The following PKNOX2 variants were observed in gnomAD, a reference collection of about 807,000 sequenced individuals.
The protein encoded by PKNOX2 is PBX/knotted 1 homeobox 2.
In PKNOX2, 14 loss-of-function variants were observed where a neutral mutation model predicts 53.1. That is an observed-to-expected ratio of 0.26 (90% confidence interval 0.17 to 0.41). The LOEUF (loss-of-function observed/expected upper bound fraction) is 0.41, where lower values mean the gene tolerates loss of function less well. Ranked by LOEUF, PKNOX2 falls within the 10% of genes least tolerant of loss-of-function variation. The probability of loss-of-function intolerance (pLI) is 1.00; values close to 1 mark genes in which losing one functional copy is unlikely to be tolerated. For synonymous variants in PKNOX2, 257 were observed against 242.8 expected, an observed-to-expected ratio of 1.06 and a Z score of -0.54; for missense variants, 496 against 602.8, an observed-to-expected ratio of 0.82 and a Z score of 1.85.
intron 2 of PKNOX2, among the ~76,000 whole-genome samples, chr11:125,256,804 A>G (rs550639929): frequency 6.6e-6 from 1 of 152,264 alleles, no homozygotes; most frequent in East Asian, 1.9e-4. Flanking sequence ...CAGATTTCTT[A>G]GTAATGATCT....
chr11:125,427,178 A>G (rs1165870039), intron 10 of PKNOX2, among the ~76,000 whole-genome samples: 3 of 152,226 alleles, frequency 2.0e-5, no homozygotes, highest in Non-Finnish European at 4.4e-5. Context: ...CAGAGCTCCC[A>G]GAGTCCTTGC....
At chr11:125,222,241 C>T (rs570885149) in intron 1 of PKNOX2, among the ~76,000 whole-genome samples, 1 of 152,170 alleles carries the variant, frequency 6.6e-6, no homozygotes, top group Non-Finnish European at 1.5e-5. Context: ...TGAGCCACCC[C>T]CCTTGCTCTC....
chr11:125,285,359 G>A (rs991910899), intron 2 of PKNOX2, among the ~76,000 whole-genome samples: 1 of 152,198 alleles, frequency 6.6e-6, no homozygotes, highest in Non-Finnish European at 1.5e-5. Context: ...ATATTGAAGG[G>A]TATTAGACAT....
chr11:125,320,737 G>A (rs1161035339), intron 2 of PKNOX2, among the ~76,000 whole-genome samples: 1 of 152,130 alleles, frequency 6.6e-6, no homozygotes, highest in Non-Finnish European at 1.5e-5. Context: ...GCTGTGTAAA[G>A]ATGCTCTGAG....
chr11:125,290,885 C>T (rs1268115515), intron 2 of PKNOX2, among the ~76,000 whole-genome samples: 2 of 152,116 alleles, frequency 1.3e-5, no homozygotes, highest in Non-Finnish European at 2.9e-5. Context: ...AGCAGAGTGT[C>T]ATATGGGGGA....
At chr11:125,202,354 G>A (rs1038039174) in intron 1 of PKNOX2, among the ~76,000 whole-genome samples, 1 of 152,184 alleles carries the variant, frequency 6.6e-6, no homozygotes, top group Non-Finnish European at 1.5e-5. Context: ...TGTCCTGGGG[G>A]AATGTTAATG....
At position 125,236,228 on chromosome 11, in the gene PKNOX2, C is replaced by T. The variant is rs77928885; in HGVS notation, c.-130+1113C>T. On this transcript the variant is annotated intron_variant, in intron 2 of 12. Coordinates refer to ENST00000298282, the MANE Select transcript of PKNOX2 (RefSeq NM_001382323.2). ...GCCGGCCCTCCCGCCTAATGGCCTG[C>T]GATTCAGCGCCGGTCGCCTCTGTGA... Among the ~76,000 whole-genome samples, 1,911 of 152,270 alleles carry T rather than the reference C, an allele frequency of 0.013. 161 individuals carry two copies. In the East Asian group the frequency reaches 0.21, roughly 17 times the overall value.
chr11:125,359,297 G>A (rs762907559), intron 4 of PKNOX2, among the ~76,000 whole-genome samples: 9 of 152,122 alleles, frequency 5.9e-5, no homozygotes, highest in East Asian at 1.9e-4. Flanking sequence ...GACTGTTAGC[G>A]AAGGGTCCCT....
At chr11:125,203,461 C>T (rs758028733) in intron 1 of PKNOX2, among the ~76,000 whole-genome samples, 2 of 152,192 alleles carry the variant, frequency 1.3e-5, no homozygotes, top group Non-Finnish European at 2.9e-5. Context: ...CAAGTGGCTC[C>T]GCTTCCTTCC....
intron 2 of PKNOX2, among the ~76,000 whole-genome samples, chr11:125,300,661 CAGAG>C (rs1231880294): frequency 6.6e-6 from 1 of 152,004 alleles, no homozygotes; most frequent in African/African-American, 2.4e-5. Context: ...GACAGAGAGA[CAGAG>C]AGAGAGTCGG....
chr11:125,208,801 C>CA (rs1486484406), intron 1 of PKNOX2, among the ~76,000 whole-genome samples: 1 of 151,924 alleles, frequency 6.6e-6, no homozygotes, highest in Non-Finnish European at 1.5e-5. Flanking sequence ...AGTAAAGACT[C>CA]AAAGATGAGC....
rs1042389808 is a variant in PKNOX2, at chr11:125,417,766, G to C, written c.936+5901G>C. On this transcript the variant is annotated intron_variant, in intron 10 of 12. Transcript: ENST00000298282. Reference sequence around the variant, plus strand: ...TAGAGATTTTACATGTCCAGTCCCGGTCTTCAGACCTCACAGCGATGCTGC... The same window carrying C: ...TAGAGATTTTACATGTCCAGTCCCGCTCTTCAGACCTCACAGCGATGCTGC... 9.9e-5 allele frequency among the ~76,000 whole-genome samples: 15 copies of C among 151,980 alleles called. 1 individual carries two copies. Among genetic ancestry groups the C allele is most frequent in the African/African-American group, 3.6e-4 (15 of 41,248 alleles).
Position 125,374,050 on chromosome 11 carries a change from C to T in PKNOX2, c.227+6065C>T, listed in dbSNP as rs73027808. 1.9e-3 allele frequency among the ~76,000 whole-genome samples: 285 copies of T among 152,174 alleles called. 2 individuals are homozygous for T. The highest frequency in any genetic ancestry group is 4.4e-3 in the Admixed American group (68 of 15,288). On this transcript the variant is annotated intron_variant, in intron 5 of 12. Coordinates refer to ENST00000298282, the MANE Select transcript of PKNOX2 (RefSeq NM_001382323.2). ...CTGTGTGACTGTCCTCTGTAGCAGCCGCCTGGTCAGGACCCTGGGAACTGG... is the reference window on the plus strand; with the variant it reads ...CTGTGTGACTGTCCTCTGTAGCAGCTGCCTGGTCAGGACCCTGGGAACTGG...
intron 1 of PKNOX2, among the ~76,000 whole-genome samples, chr11:125,182,434 A>G (rs688027): frequency 0.011 from 1,660 of 152,312 alleles, 7 homozygotes; most frequent in Non-Finnish European, 0.017. Flanking sequence ...CCAGGGTTCA[A>G]ATCTCCCATT....
intron 7 of PKNOX2, among the ~76,000 whole-genome samples, chr11:125,403,876 C>T (rs1302785109): frequency 2.0e-5 from 3 of 152,316 alleles, no homozygotes; most frequent in Non-Finnish European, 2.9e-5. Flanking sequence ...CTAGGCCCAG[C>T]TGCCAGATGC....
At chr11:125,397,777 T>G (rs1591556273) in intron 6 of PKNOX2, 97 bp from the exon 7 acceptor site, 53 of 1,231,498 alleles carry the variant, frequency 4.3e-5, no homozygotes, top group Admixed American at 2.3e-5. Context: ...CGGCAGGGGG[T>G]GGGCTCCCCT....
chr11:125,231,058 TCTA>T (rs1565474707), intron 1 of PKNOX2, among the ~76,000 whole-genome samples: 1 of 152,182 alleles, frequency 6.6e-6, no homozygotes, highest in Non-Finnish European at 1.5e-5. Context: ...GTAGTTTAAC[TCTA>T]CTACTTTGCA....
At chr11:125,210,497 G>T (rs542320541) in intron 1 of PKNOX2, among the ~76,000 whole-genome samples, 320 of 152,240 alleles carry the variant, frequency 2.1e-3, no homozygotes, top group African/African-American at 7.0e-3. Flanking sequence ...TGTGCATGGG[G>T]TGCAGCACAG....
At chr11:125,187,832 G>T (rs1444281720) in intron 1 of PKNOX2, among the ~76,000 whole-genome samples, 1 of 152,192 alleles carries the variant, frequency 6.6e-6, no homozygotes, top group Non-Finnish European at 1.5e-5. Context: ...ACTCCTAGCG[G>T]CCTGGGCCAG....
Sources: gnomAD v4.1 joint callset for allele counts (sites outside exome capture counted in the v4.1 genomes callset) on GRCh38, gnomAD v4.1.1 for gene constraint, MANE v1.5 for transcripts, NCBI Gene and HGNC (gene_info 2026-07-23, HGNC 2026-07-21) for gene names.